Variants in PLPP1 observed in about 807,000 individuals in gnomAD.
The protein encoded by PLPP1 is lipid phosphate phosphohydrolase 1a.
A neutral mutation model predicts 31.2 loss-of-function variants in PLPP1; 24 were observed. The ratio of observed to expected loss-of-function variants is 0.77; its 90% confidence interval spans 0.56 to 1.08. The LOEUF (loss-of-function observed/expected upper bound fraction) is 1.08. PLPP1 is among the 50% of genes least tolerant of loss of function. PLPP1 has a pLI of 0.00. For missense variants in PLPP1, 319 were observed against 342.7 expected (o/e 0.93, Z 0.55); for synonymous variants, 146 against 126.3 (o/e 1.16, Z -1.05).
intron 4 of PLPP1, among the ~76,000 whole-genome samples, chr5:55,435,412 T>C (rs1292743593): frequency 2.6e-5 from 1 of 38,060 alleles, no homozygotes; most frequent in East Asian, 4.4e-4. Flanking sequence ...AGAGATCACC[T>C]GGTAACAGGG....
chr5:55,430,087 A>G (rs1233675225), intron 4 of PLPP1, among the ~76,000 whole-genome samples: 1 of 151,962 alleles, frequency 6.6e-6, no homozygotes, highest in East Asian at 1.9e-4. Flanking sequence ...ACCACCACCC[A>G]CATGCACCAC....
At chr5:55,432,900 A>G (rs1275250026) in intron 4 of PLPP1, among the ~76,000 whole-genome samples, 2 of 152,084 alleles carry the variant, frequency 1.3e-5, no homozygotes, top group African/African-American at 4.8e-5. Context: ...CATCCTAAAC[A>G]GGGAAAAGCT....
chr5:55,523,567 C>A (rs1247911336), intron 1 of PLPP1, among the ~76,000 whole-genome samples: 1 of 152,066 alleles, frequency 6.6e-6, no homozygotes, highest in Non-Finnish European at 1.5e-5. Context: ...AGAGAGTTGT[C>A]GAGAGACTGC....
At chr5:55,483,980 A>G (rs903588078) in intron 1 of PLPP1, among the ~76,000 whole-genome samples, 2 of 152,186 alleles carry the variant, frequency 1.3e-5, no homozygotes, top group Admixed American at 1.3e-4. Context: ...CTTAAGATAA[A>G]GTTCATCATT....
At chr5:55,427,769 CT>C (rs959238350) in intron 4 of PLPP1, among the ~76,000 whole-genome samples, 6 of 135,810 alleles carry the variant, frequency 4.4e-5, no homozygotes, top group African/African-American at 1.7e-4. Flanking sequence ...AGCTCCAACA[CT>C]TTTTTGGGGG....
intron 2 of PLPP1, among the ~76,000 whole-genome samples, chr5:55,472,755 GAGGAAGAAGAAGAGGAA>G (rs1752448761): frequency 3.9e-4 from 2 of 5,110 alleles, no homozygotes; most frequent in South Asian, 0.032. Context: ...AGAAGAGGAA[GAGGAAGAAGAAGAGGAA>G]GAGGAAGAAG....
chr5:55,491,361 TAA>T (rs1313121359), intron 1 of PLPP1, among the ~76,000 whole-genome samples: 4 of 151,962 alleles, frequency 2.6e-5, no homozygotes, highest in African/African-American at 4.8e-5. Flanking sequence ...AAATAAACAA[TAA>T]AAGAGACTTC....
intron 1 of PLPP1, among the ~76,000 whole-genome samples, chr5:55,488,458 C>T (rs1157675629): frequency 2.6e-5 from 4 of 151,846 alleles, no homozygotes; most frequent in Non-Finnish European, 4.4e-5. Context: ...CCAGCCTGGC[C>T]AACATGGTAA....
In PLPP1 at chr5:55,448,398, G is replaced by A. The variant is rs191449939; in HGVS notation, c.492-6490C>T. Among the ~76,000 whole-genome samples the A allele has an allele frequency of 1.3e-4, 20 of 149,390 alleles. No individual in the cohort carries two copies. In the East Asian group the frequency reaches 3.2e-3, roughly 24 times the overall value. On this transcript the variant is annotated intron_variant, in intron 3 of 5. Transcript: ENST00000307259. The stretch of plus-strand genomic sequence containing the variant: ...GTATGTCTCCTAGAGAAATGCAGAC[G>A]TTTACTGCAACACTGCCGGAAACTC...
At chr5:55,508,613 A>G (rs1753335285) in intron 1 of PLPP1, among the ~76,000 whole-genome samples, 1 of 152,220 alleles carries the variant, frequency 6.6e-6, no homozygotes, top group Admixed American at 6.5e-5. Flanking sequence ...CATATAATAA[A>G]CAGGGTGAAA....
At chr5:55,464,370 G>A (rs1282315830) in intron 3 of PLPP1, among the ~76,000 whole-genome samples, 1 of 151,914 alleles carries the variant, frequency 6.6e-6, no homozygotes, top group African/African-American at 2.4e-5. Flanking sequence ...AAGTAGCTGG[G>A]ATTACAGGTG....
At chr5:55,478,775 A>G (rs1412134910) in intron 1 of PLPP1, among the ~76,000 whole-genome samples, 1 of 152,144 alleles carries the variant, frequency 6.6e-6, no homozygotes, top group Non-Finnish European at 1.5e-5. Flanking sequence ...CACAGTGCCC[A>G]ATATGGCATC....
chr5:55,443,190 A>ATATATATAT (rs1458750100), intron 3 of PLPP1, among the ~76,000 whole-genome samples: 608 of 19,576 alleles, frequency 0.031, 1 homozygote, highest in Non-Finnish European at 0.053. Flanking sequence ...AAAAAAAAAA[A>ATATATATAT]AAATATATAT....
At chr5:55,506,279 A>G (rs1331363429) in intron 1 of PLPP1, among the ~76,000 whole-genome samples, 1 of 150,728 alleles carries the variant, frequency 6.6e-6, no homozygotes, top group African/African-American at 2.4e-5. Context: ...AAAAAAAAAA[A>G]GGCACTAATT....
intron 1 of PLPP1, among the ~76,000 whole-genome samples, chr5:55,481,575 T>C (rs992017): frequency 0.86 from 130,285 of 152,076 alleles, 56,267 homozygotes; most frequent in South Asian, 0.92. Context: ...GATCAAGTAC[T>C]ACCTCAATAG....
intron 1 of PLPP1, among the ~76,000 whole-genome samples, chr5:55,528,781 TTC>T (rs898062830): frequency 8.5e-5 from 13 of 152,216 alleles, no homozygotes; most frequent in Non-Finnish European, 1.6e-4. Flanking sequence ...ACTACTGAGA[TTC>T]TCTTTTATGT....
intron 1 of PLPP1, among the ~76,000 whole-genome samples, chr5:55,519,800 T>A (rs1425912891): frequency 6.6e-6 from 1 of 151,892 alleles, no homozygotes; most frequent in Admixed American, 6.6e-5. Context: ...TTTAATTACA[T>A]TTAGTCATCT....
At chr5:55,514,999 T>C (rs958678367) in intron 1 of PLPP1, among the ~76,000 whole-genome samples, 6 of 152,256 alleles carry the variant, frequency 3.9e-5, no homozygotes, top group African/African-American at 7.2e-5. Context: ...GATTGTCATT[T>C]AATCCTAACA....
intron 3 of PLPP1, among the ~76,000 whole-genome samples, chr5:55,446,534 T>C (rs1751768839): frequency 6.6e-6 from 1 of 152,220 alleles, no homozygotes; most frequent in South Asian, 2.1e-4. Flanking sequence ...TTTGTTGTAT[T>C]TGCTGACTGT....
Sources: gnomAD v4.1 joint callset for allele counts (sites outside exome capture counted in the v4.1 genomes callset) on GRCh38, gnomAD v4.1.1 for gene constraint, MANE v1.5 for transcripts, NCBI Gene and HGNC (gene_info 2026-07-23, HGNC 2026-07-21) for gene names.